The following CYFIP1 variants were observed in gnomAD, a reference collection of about 807,000 sequenced individuals.
CYFIP1 encodes the protein cytoplasmic FMR1 interacting protein 1.
A neutral mutation model predicts 163.5 loss-of-function variants in CYFIP1; 58 were observed. The observed-to-expected ratio is 0.35, with a 90% confidence interval of 0.29 to 0.44. CYFIP1 has a LOEUF of 0.44. CYFIP1 is among the 20% of genes least tolerant of loss of function. The pLI, the probability that CYFIP1 is intolerant of heterozygous loss-of-function variation, is 1.00. For missense variants in CYFIP1, 1,338 were observed against 1,653.8 expected, an observed-to-expected ratio of 0.81 and a Z score of 3.31; for synonymous variants, 663 against 660.7, an observed-to-expected ratio of 1.00 and a Z score of -0.05.
At chr15:22,918,223 G>A (rs921211072) in intron 14 of CYFIP1, among the ~76,000 whole-genome samples, 14 of 152,216 alleles carry the variant, frequency 9.2e-5, no homozygotes, top group African/African-American at 2.9e-4. Flanking sequence ...GCTGTGGGCA[G>A]GGAGAGGGCA....
chr15:22,918,936 C>G, intron 13 of CYFIP1, 78 bp from the exon 14 acceptor site: 1 of 1,187,998 alleles, frequency 8.4e-7, no homozygotes. Context: ...ATGCCGGGGG[C>G]TGCTCCTCCT....
chr15:22,929,613 C>G (rs1453989792), intron 11 of CYFIP1, among the ~76,000 whole-genome samples: 1 of 111,178 alleles, frequency 9.0e-6, no homozygotes, highest in African/African-American at 3.6e-5. Flanking sequence ...GCCTGGGCAA[C>G]AGAGAGAGAC....
At chr15:22,881,426 G>C (rs1010170016) in intron 25 of CYFIP1, among the ~76,000 whole-genome samples, 1 of 152,098 alleles carries the variant, frequency 6.6e-6, no homozygotes, top group Non-Finnish European at 1.5e-5. Flanking sequence ...CTGTCCCTAA[G>C]AGCACACCTG....
intron 8 of CYFIP1, 43 bp from the exon 9 acceptor site, chr15:22,937,251 G>A: frequency 8.1e-7 from 1 of 1,240,010 alleles, no homozygotes; most frequent in East Asian, 2.3e-5. Flanking sequence ...GCTCAGAACT[G>A]AGAATTTCAC....
chr15:22,909,334 T>C, intron 20 of CYFIP1, 21 bp from the exon 21 acceptor site: 6 of 1,613,594 alleles, frequency 3.7e-6, no homozygotes, highest in South Asian at 3.3e-5. Flanking sequence ...CAGGGAAGGA[T>C]GGCAGGTAAA....
intron 30 of CYFIP1, among the ~76,000 whole-genome samples, chr15:22,872,327 CTG>C (rs770025874): frequency 6.7e-6 from 1 of 149,080 alleles, no homozygotes; most frequent in Non-Finnish European, 1.5e-5. Context: ...AAAAAGAAAA[CTG>C]ATACAACAAA....
chr15:22,978,909 T>C (rs74003061), intron 1 of CYFIP1, among the ~76,000 whole-genome samples: 4,308 of 152,184 alleles, frequency 0.028, 236 homozygotes, highest in African/African-American at 0.099. Flanking sequence ...TTCCTGAGTA[T>C]CCTGACTGCG....
rs542591758 is a variant in CYFIP1 at position 22,972,252 on chromosome 15, A to G, written c.-7+8035T>C. Among the ~76,000 whole-genome samples the G allele has an allele frequency of 8.7e-4, 132 of 152,296 alleles. 1 individual carries two copies. Among genetic ancestry groups the G allele is most frequent in the African/African-American group, 2.8e-3 (118 of 41,578 alleles). ...GGAGTTCGAGACCAGCCTGGCCAACATGGTGAAACACCGTCTCTGCTAAAA... is the reference window on the plus strand; with the variant it reads ...GGAGTTCGAGACCAGCCTGGCCAACGTGGTGAAACACCGTCTCTGCTAAAA... On this transcript the variant is annotated intron_variant, in intron 1 of 30. Transcript: ENST00000617928.
rs1488388549 is a variant in CYFIP1, at chr15:22,868,289, G to GTGCTT, written c.*1734_*1738dup. 3.3e-5 allele frequency: 5 copies of GTGCTT among 152,174 alleles called. No individual in the cohort carries two copies. Among genetic ancestry groups the GTGCTT allele is most frequent in the African/African-American group, 1.2e-4 (5 of 41,426 alleles). The allele number at this position is 152,174 out of a possible 1,614,324, so 9.4% of individuals were successfully genotyped here. A position where few individuals can be genotyped will look rare whatever the true frequency, so the allele number is the denominator to read the frequency against. On this transcript the variant is annotated 3_prime_UTR_variant, in exon 31 of 31. Coordinates refer to ENST00000617928, the MANE Select transcript of CYFIP1 (RefSeq NM_014608.6). ...CTGTTTATATACTGTACCTACATCT[G>GTGCTT]TGCTTTGTACATAAAAGAACCAGTT...
At chr15:22,912,368 T>C (rs2289817) in intron 17 of CYFIP1, 93 bp from the exon 18 acceptor site, 147,845 of 935,642 alleles carry the variant, frequency 0.16, 12,764 homozygotes, top group African/African-American at 0.28. Context: ...AACTCCATTT[T>C]CCACCTCTCA....
rs577474869 is a variant in CYFIP1, at chr15:22,967,446, C to A, written c.-7+12841G>T. On this transcript the variant is annotated intron_variant, in intron 1 of 30. Coordinates refer to ENST00000617928, the MANE Select transcript of CYFIP1 (RefSeq NM_014608.6). The stretch of plus-strand genomic sequence containing the variant: ...AGTCTTGGCTAAGTCTACAGGAGTG[C>A]GGCCGACATATGTGAAGAGGAAGAA... Among the ~76,000 whole-genome samples, 5 of 152,310 alleles carry A rather than the reference C, an allele frequency of 3.3e-5. No homozygotes were observed. The South Asian group carries it at 8.3e-4, about 25-fold the overall frequency.
intron 9 of CYFIP1, among the ~76,000 whole-genome samples, chr15:22,934,489 T>C (rs1028714763): frequency 1.5e-5 from 1 of 67,024 alleles, no homozygotes; most frequent in Non-Finnish European, 3.0e-5. Context: ...CCAGCCCTTT[T>C]TTTTTTTTTT....
In CYFIP1 at chr15:22,873,572, T is replaced by A. The variant is rs772007923; in HGVS notation, c.3368A>T (p.Glu1123Val). The A allele has an allele frequency of 7.4e-6, 12 of 1,614,090 alleles. No individual in the cohort carries two copies. Among genetic ancestry groups the A allele is most frequent in the Admixed American group, 5.0e-5 (3 of 60,004 alleles). ...LPSNGVMHVD[E>V]CVEFHRLWSA... ...CCACAGTCTGTGAAACTCCACACAC[T>A]CGTCCACATGCATGACCCCATTGCT... Residue 1123 changes from glutamate to valine, a missense_variant, in exon 29 of 31, where the codon GAG becomes GTG. Coordinates refer to ENST00000617928, the MANE Select transcript of CYFIP1 (RefSeq NM_014608.6).
Position 22,874,325 on chromosome 15 carries a change from G to A in CYFIP1, c.3210+225C>T, listed in dbSNP as rs577566236. ...GTGATGTCTTCTGTGTAAGCCTTAC[G>A]TGCCAGGTGATGTGCTAAGCTCTTT... is the stretch of plus-strand genomic sequence containing the variant. On this transcript the variant is annotated intron_variant, in intron 28 of 30. Transcript: ENST00000617928. Among the ~76,000 whole-genome samples the A allele has an allele frequency of 2.6e-5, 4 of 152,338 alleles. No individual in the cohort carries two copies. The South Asian group carries it at 6.2e-4, about 24-fold the overall frequency.
chr15:22,934,013 A>T, intron 9 of CYFIP1, 120 bp from the exon 10 acceptor site: 1 of 635,410 alleles, frequency 1.6e-6, no homozygotes. Flanking sequence ...TCTGCAAATG[A>T]TTCATTACAA....
chr15:22,978,352 C>CAAAAAAAAAAAAAAAAAAAAA (rs397976366), intron 1 of CYFIP1, among the ~76,000 whole-genome samples: 5 of 52,776 alleles, frequency 9.5e-5, no homozygotes, highest in African/African-American at 1.3e-4. Context: ...GACTCTGTCA[C>CAAAAAAAAAAAAAAAAAAAAA]AAAAAAAAAA....
chr15:22,909,947 T>C (rs527605467), intron 20 of CYFIP1, among the ~76,000 whole-genome samples: 1 of 152,236 alleles, frequency 6.6e-6, no homozygotes, highest in Non-Finnish European at 1.5e-5. Context: ...AGCTCTGGCT[T>C]TTGGGCTCCT....
chr15:22,913,709 T>C (rs2060873185), intron 17 of CYFIP1, among the ~76,000 whole-genome samples: 1 of 145,680 alleles, frequency 6.9e-6, no homozygotes, highest in Non-Finnish European at 1.5e-5. Context: ...CGTCTCCCAC[T>C]ACCTCATATC....
At chr15:22,948,790 AGACACACTACTGAAATGT>A (rs2062144660) in intron 1 of CYFIP1, among the ~76,000 whole-genome samples, 1 of 144,206 alleles carries the variant, frequency 6.9e-6, no homozygotes, top group Admixed American at 7.3e-5. Flanking sequence ...CAAAACTAAA[AGACACACTACTGAAATGT>A]AAAAAAAAAA....
Sources: gnomAD v4.1 joint callset for allele counts (sites outside exome capture counted in the v4.1 genomes callset) on GRCh38, gnomAD v4.1.1 for gene constraint, MANE v1.5 for transcripts, NCBI Gene and HGNC (gene_info 2026-07-23, HGNC 2026-07-21) for gene names.